The following COMMD10 variants were observed in gnomAD, a reference collection of about 807,000 sequenced individuals.
COMMD10 encodes the protein COMM domain-containing protein 10.
In COMMD10, 33 loss-of-function variants were observed where a neutral mutation model predicts 28.9. The observed-to-expected ratio is 1.14, with a 90% CI of 0.87 to 1.53. The LOEUF is 1.53. Among genes scored for constraint, COMMD10 ranks in the 40% most tolerant of loss-of-function variants. The pLI, the probability that COMMD10 is intolerant of heterozygous loss-of-function variation, is 0.00. For synonymous variants in COMMD10, 110 were observed against 81.7 expected, an observed-to-expected ratio of 1.35 and a Z score of -1.87; for missense variants, 310 against 233.4, an observed-to-expected ratio of 1.33 and a Z score of -2.14.
chr5:116,173,908 T>G (rs1423805201), intron 5 of COMMD10, among the ~76,000 whole-genome samples: 1 of 151,902 alleles, frequency 6.6e-6, no homozygotes, highest in Non-Finnish European at 1.5e-5. Context: ...CATTCCTTAA[T>G]TCTTTATTCA....
At chr5:116,210,501 G>T (rs551118341) in intron 5 of COMMD10, among the ~76,000 whole-genome samples, 1 of 152,062 alleles carries the variant, frequency 6.6e-6, no homozygotes, top group African/African-American at 2.4e-5. Flanking sequence ...TAGAGCATAC[G>T]TTCAGTATTT....
intron 5 of COMMD10, among the ~76,000 whole-genome samples, chr5:116,225,890 G>A (rs1032235156): frequency 5.5e-4 from 84 of 152,014 alleles, no homozygotes; most frequent in African/African-American, 1.9e-3. Flanking sequence ...TGTCAGCTAG[G>A]AATTTGTGTA....
chr5:116,265,827 C>T (rs1261699956), intron 5 of COMMD10, among the ~76,000 whole-genome samples: 1 of 151,740 alleles, frequency 6.6e-6, no homozygotes, highest in African/African-American at 2.4e-5. Context: ...AAAACACATG[C>T]AGTTCGACAC....
chr5:116,232,947 A>G (rs565647109), intron 5 of COMMD10, among the ~76,000 whole-genome samples: 1 of 152,280 alleles, frequency 6.6e-6, no homozygotes, highest in Admixed American at 6.5e-5. Flanking sequence ...TCTGATTGTA[A>G]TTCTATGCTC....
At chr5:116,182,488 G>A (rs1748004838) in intron 5 of COMMD10, among the ~76,000 whole-genome samples, 1 of 151,994 alleles carries the variant, frequency 6.6e-6, no homozygotes, top group South Asian at 2.1e-4. Flanking sequence ...ATTAAAAATT[G>A]ATACATTAAA....
Position 116,100,274 on chromosome 5 carries a change from T to A in COMMD10, c.399+7574T>A, listed in dbSNP as rs116814695. On this transcript the variant is annotated intron_variant, in intron 4 of 6. Coordinates refer to ENST00000274458, the MANE Select transcript of COMMD10 (RefSeq NM_016144.4). Reference sequence around the variant, plus strand: ...TTTCATTTTGTTAAGTTTCCTTTGTTGTGTAGAAGCTTTTTAGTTTGATAT... The same window carrying A: ...TTTCATTTTGTTAAGTTTCCTTTGTAGTGTAGAAGCTTTTTAGTTTGATAT... Among the ~76,000 whole-genome samples the A allele has an allele frequency of 2.6e-3, 401 of 152,282 alleles. 2 individuals carry two copies. Among genetic ancestry groups the A allele is most frequent in the African/African-American group, 9.1e-3 (380 of 41,568 alleles).
intron 4 of COMMD10, among the ~76,000 whole-genome samples, chr5:116,106,883 G>A (rs926213881): frequency 3.3e-5 from 5 of 152,120 alleles, no homozygotes; most frequent in East Asian, 1.9e-4. Context: ...TTGCATGTGA[G>A]ATGGGTCTCC....
rs575899121 is a variant in COMMD10, at chr5:116,203,106, G to T, written c.510+68928G>T. Among the ~76,000 whole-genome samples the T allele has an allele frequency of 5.0e-4, 76 of 152,050 alleles. 1 individual carries two copies. Among genetic ancestry groups the T allele is most frequent in the Admixed American group, 4.7e-3 (71 of 15,268 alleles). On this transcript the variant is annotated intron_variant, in intron 5 of 6. Transcript: ENST00000274458. ...ATCCAGTTTCAGCTTTCTACATATGGCTAGCCAGTTTTCCCAGCACCATTT... is the reference window on the plus strand; with the variant it reads ...ATCCAGTTTCAGCTTTCTACATATGTCTAGCCAGTTTTCCCAGCACCATTT...
intron 5 of COMMD10, among the ~76,000 whole-genome samples, chr5:116,199,569 C>T (rs1052811845): frequency 2.0e-5 from 3 of 150,032 alleles, no homozygotes; most frequent in Non-Finnish European, 4.4e-5. Context: ...TCTGTTAGAT[C>T]AATTAAGAAT....
At chr5:116,095,950 C>G (rs1750453833) in intron 4 of COMMD10, among the ~76,000 whole-genome samples, 1 of 152,048 alleles carries the variant, frequency 6.6e-6, no homozygotes, top group Non-Finnish European at 1.5e-5. Context: ...TCTGGAATCT[C>G]TCTTTGATTT....
chr5:116,271,268 ATTT>A (rs369747065), intron 5 of COMMD10, among the ~76,000 whole-genome samples: 1 of 147,320 alleles, frequency 6.8e-6, no homozygotes, highest in Non-Finnish European at 1.5e-5. Context: ...CTGTTTAAGC[ATTT>A]TTATCTTTTT....
At chr5:116,107,443 A>G (rs944848891) in intron 4 of COMMD10, among the ~76,000 whole-genome samples, 8 of 151,748 alleles carry the variant, frequency 5.3e-5, no homozygotes, top group Admixed American at 4.6e-4. Context: ...TCAATATCTG[A>G]TATCCTTTCT....
intron 5 of COMMD10, among the ~76,000 whole-genome samples, chr5:116,215,582 G>C (rs1190433289): frequency 1.3e-5 from 2 of 151,388 alleles, no homozygotes; most frequent in Admixed American, 1.3e-4. Flanking sequence ...AGCTACTCAG[G>C]AGGCTGAGGC....
chr5:116,204,278 C>A (rs1748755670), intron 5 of COMMD10, among the ~76,000 whole-genome samples: 1 of 152,182 alleles, frequency 6.6e-6, no homozygotes, highest in Non-Finnish European at 1.5e-5. Flanking sequence ...TAGACTCCCA[C>A]ACAATAATAA....
At chr5:116,247,793 C>G (rs759334443) in intron 5 of COMMD10, among the ~76,000 whole-genome samples, 1 of 151,792 alleles carries the variant, frequency 6.6e-6, no homozygotes, top group Non-Finnish European at 1.5e-5. Flanking sequence ...GGGAACAACA[C>G]AAACTCTGGG....
At chr5:116,217,496 G>A (rs950168910) in intron 5 of COMMD10, among the ~76,000 whole-genome samples, 2 of 152,242 alleles carry the variant, frequency 1.3e-5, no homozygotes, top group African/African-American at 4.8e-5. Context: ...AAATGAAAAC[G>A]GCAGAATTTA....
chr5:116,154,659 A>G (rs935123272), intron 5 of COMMD10, among the ~76,000 whole-genome samples: 1 of 151,970 alleles, frequency 6.6e-6, no homozygotes, highest in Non-Finnish European at 1.5e-5. Context: ...AAAGTCGTAT[A>G]CATAGGCCAC....
At chr5:116,258,258 T>G (rs1224086040) in intron 5 of COMMD10, among the ~76,000 whole-genome samples, 1 of 151,784 alleles carries the variant, frequency 6.6e-6, no homozygotes, top group Non-Finnish European at 1.5e-5. Context: ...TTGTAGTATA[T>G]CTATTCCTCC....
At chr5:116,127,430 A>G (rs945792339) in intron 4 of COMMD10, among the ~76,000 whole-genome samples, 4 of 152,218 alleles carry the variant, frequency 2.6e-5, no homozygotes, top group African/African-American at 7.2e-5. Flanking sequence ...TACTAGGTAT[A>G]TACCCAAAGG....
Sources: allele counts gnomAD v4.1 joint callset (sites outside exome capture counted in the v4.1 genomes callset), GRCh38; gene constraint gnomAD v4.1.1; transcripts MANE v1.5; gene names NCBI Gene and HGNC (gene_info 2026-07-23, HGNC 2026-07-21).